ABCA12: variants seen among roughly 807,000 people sequenced by gnomAD.
ABCA12 encodes glucosylceramide transporter ABCA12.
A neutral mutation model predicts 293.5 loss-of-function variants in ABCA12; 156 were observed. The observed-to-expected ratio is 0.53, with a 90% CI of 0.47 to 0.61. The LOEUF is 0.61. ABCA12 is among the 20% of genes least tolerant of loss of function. The pLI is 0.00. For missense variants in ABCA12, 2,797 were observed against 3,090.2 expected (o/e 0.91, Z 2.25); for synonymous variants, 1,063 against 1,108.0 (o/e 0.96, Z 0.81).
chr2:215,020,014 T>C (rs1177794321), intron 11 of ABCA12, among the ~76,000 whole-genome samples: 3 of 152,208 alleles, frequency 2.0e-5, no homozygotes, highest in Non-Finnish European at 2.9e-5. Context: ...TTTGGGCCTA[T>C]TAGACCTGTC....
At chr2:215,017,887 T>C in intron 14 of ABCA12, 121 bp downstream of exon 14, 2 of 1,418,052 alleles carry the variant, frequency 1.4e-6, no homozygotes, top group Non-Finnish European at 1.9e-6. Flanking sequence ...ATCACTTGCA[T>C]AGAAAATTCA....
chr2:214,958,444 A>C lies in ABCA12; in HGVS notation c.5950T>G (p.Leu1984Val). 1 of 1,613,860 alleles carries C rather than the reference A, an allele frequency of 6.2e-7. No homozygotes were observed. The highest frequency in any genetic ancestry group is 1.1e-5 in the South Asian group (1 of 91,076). ...GACAGTGCCACTAAAATATCGATTA[A>C]ACTGCTGATTCTAGAGTGAGCAATA... Reference protein sequence around the residue: ...QDQEQATISSLIDILVALSIL... With the variant: ...QDQEQATISSVIDILVALSIL... The change falls in exon 41 of 53, where the codon TTA (leucine) becomes GTA (valine). Residue 1984 changes from leucine (L) to valine (V), a missense_variant. Coordinates refer to ENST00000272895, the MANE Select transcript of ABCA12 (RefSeq NM_173076.3).
intron 21 of ABCA12, among the ~76,000 whole-genome samples, chr2:215,001,316 A>C (rs1023674994): frequency 6.6e-6 from 1 of 152,198 alleles, no homozygotes; most frequent in African/African-American, 2.4e-5. Context: ...ATGAGGATGG[A>C]CTCAACTTCA....
Position 214,958,319 on chromosome 2 carries a change from A to T in ABCA12, c.6075T>A (p.Ile2025=), listed in dbSNP as rs748072852. The T allele has an allele frequency of 3.1e-6, 5 of 1,614,018 alleles. No individual in the cohort carries two copies. The Admixed American group carries it at 8.3e-5, about 27-fold the overall frequency. ...KAKQLQHISG[I]GVTCYWVTNF... Reference sequence around the variant, plus strand: ...TTGTTACCCAGTAGCATGTCACGCCAATGCCTGAAATGTGCTGCAACTGTT... The same window carrying T: ...TTGTTACCCAGTAGCATGTCACGCCTATGCCTGAAATGTGCTGCAACTGTT... Residue 2025 remains isoleucine, a synonymous_variant, in exon 41 of 53, where the codon ATT becomes ATA. Coordinates refer to ENST00000272895, the MANE Select transcript of ABCA12 (RefSeq NM_173076.3).
At chr2:215,067,663 C>G (rs1292839361) in intron 2 of ABCA12, among the ~76,000 whole-genome samples, 1 of 152,006 alleles carries the variant, frequency 6.6e-6, no homozygotes, top group East Asian at 1.9e-4. Flanking sequence ...AAATCCTAAG[C>G]TGGTTATGGC....
chr2:215,012,764 GA>G (rs1367781978), intron 15 of ABCA12, among the ~76,000 whole-genome samples: 4 of 151,982 alleles, frequency 2.6e-5, no homozygotes, highest in Non-Finnish European at 5.9e-5. Flanking sequence ...AGTTAATCAC[GA>G]AAAATGAGTG....
rs1324027683 is a variant in ABCA12, at chr2:214,932,444, A to G, written c.*190T>C. On this transcript the variant is annotated 3_prime_UTR_variant, in exon 53 of 53. Coordinates refer to ENST00000272895, the MANE Select transcript of ABCA12 (RefSeq NM_173076.3). The stretch of plus-strand genomic sequence containing the variant: ...TATACAGGAATTCATTTCAGTAGCA[A>G]CAACACTCACTGACCTTAGAAGGAA... 4 of 598,464 alleles carry G rather than the reference A, an allele frequency of 6.7e-6. No homozygotes were observed. The highest frequency in any genetic ancestry group is 5.6e-5 in the African/African-American group (3 of 53,866). 37.1% of individuals were successfully genotyped at this position (598,464 alleles called of 1,614,324 possible).
chr2:214,961,506 A>G (rs1574944498), intron 39 of ABCA12, among the ~76,000 whole-genome samples: 1 of 152,112 alleles, frequency 6.6e-6, no homozygotes, highest in East Asian at 1.9e-4. Context: ...TACAGGTTTT[A>G]AAAAGCTGAC....
chr2:215,104,902 G>T (rs1462552635), intron 2 of ABCA12, among the ~76,000 whole-genome samples: 1 of 152,028 alleles, frequency 6.6e-6, no homozygotes, highest in South Asian at 2.1e-4. Context: ...ACATTATTTT[G>T]ATCCCATAAT....
chr2:215,077,539 A>C (rs958932961), intron 2 of ABCA12, among the ~76,000 whole-genome samples: 1 of 152,158 alleles, frequency 6.6e-6, no homozygotes, highest in Non-Finnish European at 1.5e-5. Context: ...AGAGCTCATT[A>C]AATGCATAAC....
chr2:215,103,648 G>T (rs1439114150), intron 2 of ABCA12, among the ~76,000 whole-genome samples: 1 of 151,998 alleles, frequency 6.6e-6, no homozygotes, highest in Admixed American at 6.6e-5. Flanking sequence ...TTAGCTTCAT[G>T]ATACTCAAGG....
At chr2:215,007,884 G>C (rs754049494) in intron 18 of ABCA12, 38 bp from the exon 19 acceptor site, 1 of 1,612,336 alleles carries the variant, frequency 6.2e-7, no homozygotes, top group Non-Finnish European at 8.5e-7. Flanking sequence ...TGATCCATTA[G>C]TATTTTGTCT....
Position 215,031,891 on chromosome 2 carries a change from A to C in ABCA12, c.991T>G (p.Ser331Ala). The C allele has an allele frequency of 6.2e-7, 1 of 1,613,692 alleles. No individual in the cohort carries two copies. The highest frequency in any genetic ancestry group is 8.5e-7 in the Non-Finnish European group (1 of 1,179,804). The change falls in exon 9 of 53, where the codon TCC becomes GCC. Residue 331 changes from serine (S) to alanine (A), a missense_variant. Ser to Ala is a moderately conservative substitution (Grantham distance 99). Around this residue, in one of 3 missense-constraint regions of ABCA12, gnomAD observed 656 missense variants for 638.2 expected, o/e 1.03. Coordinates refer to ENST00000272895, the MANE Select transcript of ABCA12 (RefSeq NM_173076.3). ...TTCCACACATGCGTTATATTATCGG[A>C]GTCACCTGAAGTAATAATTTTTATA... ...YTLDSPAQGD[S>A]DNITHVWNED... is the part of the protein sequence containing the mutation.
intron 20 of ABCA12, among the ~76,000 whole-genome samples, chr2:215,002,168 T>C (rs1393416380): frequency 1.3e-5 from 2 of 152,226 alleles, no homozygotes; most frequent in African/African-American, 4.8e-5. Context: ...AAAGTCTATG[T>C]AGAATGCATA....
chr2:214,956,338 T>C (rs547925858), intron 42 of ABCA12, among the ~76,000 whole-genome samples: 1 of 152,320 alleles, frequency 6.6e-6, no homozygotes, highest in African/African-American at 2.4e-5. Context: ...TACATAAATT[T>C]ATACATGTAT....
At chr2:215,073,890 C>G (rs994601181) in intron 2 of ABCA12, among the ~76,000 whole-genome samples, 8 of 152,176 alleles carry the variant, frequency 5.3e-5, no homozygotes, top group Non-Finnish European at 1.2e-4. Context: ...TTCCTCTAAA[C>G]CAGACTCTGG....
intron 11 of ABCA12, among the ~76,000 whole-genome samples, chr2:215,024,090 T>C (rs1700689002): frequency 6.6e-6 from 1 of 152,172 alleles, no homozygotes. Flanking sequence ...GGACTCTATG[T>C]CTAGAATGCA....
intron 23 of ABCA12, among the ~76,000 whole-genome samples, chr2:214,995,993 T>C (rs1356369079): frequency 6.6e-6 from 1 of 152,164 alleles, no homozygotes; most frequent in East Asian, 1.9e-4. Context: ...CCCGAGTGTA[T>C]ATGGCTGGTA....
chr2:214,955,452 C>A, intron 42 of ABCA12, 91 bp from the exon 43 acceptor site: 2 of 1,317,184 alleles, frequency 1.5e-6, no homozygotes, highest in Non-Finnish European at 2.2e-6. Context: ...GAGGCTGAGG[C>A]AGGTGGATCA....
Sources: allele counts gnomAD v4.1 joint callset (sites outside exome capture counted in the v4.1 genomes callset), GRCh38; gene constraint gnomAD v4.1.1; regional missense constraint gnomAD v4.1.1; transcripts MANE v1.5; gene names NCBI Gene and HGNC (gene_info 2026-07-23, HGNC 2026-07-21).